Variants in CCSER1 observed in about 807,000 individuals in gnomAD.
CCSER1 encodes the protein coiled-coil serine rich protein 1.
Under a neutral mutation model 82.0 loss-of-function variants are expected in CCSER1, and 41 were observed. The ratio of observed to expected loss-of-function variants is 0.50; its 90% CI spans 0.39 to 0.65. The LOEUF is 0.65. Ranked by LOEUF, CCSER1 falls within the 30% of genes least tolerant of loss-of-function variation. CCSER1 has a pLI of 0.00. For synonymous variants in CCSER1, 414 were observed against 383.9 expected, an observed-to-expected ratio of 1.08 and a Z score of -0.92; for missense variants, 1,119 against 1,064.2, an observed-to-expected ratio of 1.05 and a Z score of -0.72.
Position 90,269,023 on chromosome 4 carries a change from A to G in CCSER1, c.-41-39221A>G, listed in dbSNP as rs189608564. On this transcript the variant is annotated intron_variant, in intron 1 of 10. Coordinates refer to ENST00000509176, the MANE Select transcript of CCSER1 (RefSeq NM_001145065.2). ...AACAATTATAAATATACGTGCATTC[A>G]ACACCAGAGTACCCAGATATGTAAG... 1.8e-3 allele frequency among the ~76,000 whole-genome samples: 274 copies of G among 152,264 alleles called. 1 individual carries two copies. Among genetic ancestry groups the G allele is most frequent in the South Asian group, 3.3e-3 (16 of 4,826 alleles).
chr4:90,843,807 A>G (rs879215112), intron 8 of CCSER1, among the ~76,000 whole-genome samples: 2 of 152,138 alleles, frequency 1.3e-5, no homozygotes, highest in Admixed American at 1.3e-4. Context: ...CTCCTTGGGC[A>G]TAAAATCTAT....
chr4:90,548,878 G>A (rs1002693022), intron 5 of CCSER1, among the ~76,000 whole-genome samples: 25 of 151,992 alleles, frequency 1.6e-4, no homozygotes, highest in African/African-American at 5.8e-4. Flanking sequence ...GTTTGAAAGA[G>A]TGAGGGTAAG....
At chr4:90,399,285 A>G (rs1191726289) in intron 3 of CCSER1, among the ~76,000 whole-genome samples, 3 of 152,006 alleles carry the variant, frequency 2.0e-5, no homozygotes, top group Admixed American at 6.6e-5. Context: ...TTATTTTGCT[A>G]TTTGCCCTCT....
At chr4:90,699,761 C>T (rs1737676499) in intron 6 of CCSER1, among the ~76,000 whole-genome samples, 1 of 152,102 alleles carries the variant, frequency 6.6e-6, no homozygotes, top group Admixed American at 6.6e-5. Flanking sequence ...ACATTGAAAT[C>T]TAATCATCAA....
chr4:90,568,551 T>C (rs1180300193), intron 5 of CCSER1, among the ~76,000 whole-genome samples: 1 of 152,198 alleles, frequency 6.6e-6, no homozygotes, highest in Admixed American at 6.5e-5. Flanking sequence ...TGTGTGTCTC[T>C]ACAAGTAAAG....
chr4:91,433,120 T>G lies in CCSER1; in HGVS notation c.2218-165452T>G, dbSNP rs149294886. ...TTATATTGATTACCAGTTATAATTT[T>G]TAGTTATATGAATGAAAATTTGATT... On this transcript the variant is annotated intron_variant, in intron 10 of 10. Coordinates refer to ENST00000509176, the MANE Select transcript of CCSER1 (RefSeq NM_001145065.2). 3.5e-3 allele frequency among the ~76,000 whole-genome samples: 538 copies of G among 152,308 alleles called. 1 individual carries two copies. The highest frequency in any genetic ancestry group is 0.012 in the African/African-American group (503 of 41,560).
intron 7 of CCSER1, among the ~76,000 whole-genome samples, chr4:90,735,122 TATTA>T (rs1230590156): frequency 1.3e-5 from 2 of 152,174 alleles, no homozygotes; most frequent in African/African-American, 4.8e-5. Context: ...TGGCATGTCA[TATTA>T]ATTGATTTTT....
chr4:90,137,527 G>C (rs1388652125), intron 1 of CCSER1, among the ~76,000 whole-genome samples: 1 of 152,186 alleles, frequency 6.6e-6, no homozygotes, highest in Non-Finnish European at 1.5e-5. Flanking sequence ...GGATATTTCT[G>C]AGGAGAGTCA....
chr4:90,195,529 T>A (rs28393124), intron 1 of CCSER1, among the ~76,000 whole-genome samples: 2,365 of 152,140 alleles, frequency 0.016, 32 homozygotes, highest in African/African-American at 0.04. Context: ...TAATGGTGGA[T>A]ACATGTCATT....
chr4:90,330,512 T>C (rs1739083878), intron 3 of CCSER1, among the ~76,000 whole-genome samples: 1 of 152,152 alleles, frequency 6.6e-6, no homozygotes, highest in Non-Finnish European at 1.5e-5. Context: ...AAAGTATCTC[T>C]GAGCCAAGTG....
intron 5 of CCSER1, among the ~76,000 whole-genome samples, chr4:90,496,971 CAAAAAAAA>C (rs771281710): frequency 3.6e-5 from 2 of 55,226 alleles, no homozygotes; most frequent in African/African-American, 1.1e-4. Context: ...AGCGAGACTA[CAAAAAAAA>C]AAAAAAAAAA....
At position 91,601,491 on chromosome 4, in the gene CCSER1, G is replaced by A. The variant is rs548125523; in HGVS notation, c.*2434G>A. 1.6e-4 allele frequency: 25 copies of A among 151,896 alleles called. No homozygotes were observed. Among genetic ancestry groups the A allele is most frequent in the Admixed American group, 3.3e-4 (5 of 15,214 alleles). The allele number at this position is 151,896 out of a possible 1,614,324, so 9.4% of individuals were successfully genotyped here. ...ATGTACATCAGTAACTGTAAAACAG[G>A]GGTTCTTTGTAAGTTCCTCTTGTGT... On this transcript the variant is annotated 3_prime_UTR_variant, in exon 11 of 11. Coordinates refer to ENST00000509176, the MANE Select transcript of CCSER1 (RefSeq NM_001145065.2).
intron 9 of CCSER1, among the ~76,000 whole-genome samples, chr4:90,926,471 T>C (rs1331824588): frequency 1.3e-5 from 2 of 151,996 alleles, no homozygotes; most frequent in Non-Finnish European, 2.9e-5. Context: ...GCTACACATT[T>C]TGCTTAAGAT....
At chr4:90,923,254 T>C (rs1728637565) in intron 8 of CCSER1, 116 bp from the exon 9 acceptor site, 2 of 747,834 alleles carry the variant, frequency 2.7e-6, no homozygotes, top group Non-Finnish European at 4.6e-6. Context: ...CAGCAAAGCA[T>C]ATGCACAGAG....
intron 1 of CCSER1, among the ~76,000 whole-genome samples, chr4:90,254,192 TC>T (rs1469871912): frequency 6.6e-6 from 1 of 152,166 alleles, no homozygotes; most frequent in Non-Finnish European, 1.5e-5. Context: ...GACTTGAACT[TC>T]CCATGCCCTG....
intron 8 of CCSER1, among the ~76,000 whole-genome samples, chr4:90,846,223 T>C (rs2149900993): frequency 6.6e-6 from 1 of 152,336 alleles, no homozygotes; most frequent in African/African-American, 2.4e-5. Flanking sequence ...AATAGAGATA[T>C]GTGTGTTTAT....
chr4:91,476,238 C>T (rs1054271358), intron 10 of CCSER1, among the ~76,000 whole-genome samples: 5 of 151,800 alleles, frequency 3.3e-5, no homozygotes, highest in African/African-American at 1.2e-4. Context: ...AGTTGCCATG[C>T]TAATTTACAT....
intron 10 of CCSER1, among the ~76,000 whole-genome samples, chr4:91,410,853 T>A (rs905945959): frequency 6.6e-6 from 1 of 152,136 alleles, no homozygotes; most frequent in African/African-American, 2.4e-5. Context: ...TTTATGATAA[T>A]GTTTAATCAC....
At chr4:90,514,390 T>A (rs1388854878) in intron 5 of CCSER1, among the ~76,000 whole-genome samples, 1 of 152,194 alleles carries the variant, frequency 6.6e-6, no homozygotes, top group Non-Finnish European at 1.5e-5. Flanking sequence ...AGACTATAGA[T>A]GTAAAATGAT....
Sources: gnomAD v4.1 joint callset for allele counts (sites outside exome capture counted in the v4.1 genomes callset) on GRCh38, gnomAD v4.1.1 for gene constraint, MANE v1.5 for transcripts, NCBI Gene and HGNC (gene_info 2026-07-23, HGNC 2026-07-21) for gene names.